The following OFD1 variants were observed in gnomAD, a reference collection of about 807,000 sequenced individuals.
OFD1 encodes the protein OFD1 centriole and centriolar satellite protein.
Under a neutral mutation model 81.4 loss-of-function variants are expected in OFD1, and 12 were observed. The ratio of observed to expected loss-of-function variants is 0.15; its 90% CI spans 0.09 to 0.24. The LOEUF (loss-of-function observed/expected upper bound fraction) is 0.24. OFD1 is among the 10% of genes least tolerant of loss of function. The pLI is 1.00. For missense variants in OFD1, 685 were observed against 733.9 expected, an observed-to-expected ratio of 0.93 and a Z score of 0.77; for synonymous variants, 256 against 263.7, an observed-to-expected ratio of 0.97 and a Z score of 0.28.
chrX:13,745,186 G>T (rs891936599), intron 6 of OFD1, among the ~76,000 whole-genome samples: 1 of 112,228 alleles, frequency 8.9e-6, no homozygotes, highest in African/African-American at 3.2e-5. Context: ...TGTATTATAT[G>T]ACTATGCCTT....
Position 13,734,995 on chromosome X carries a change from C to G in OFD1, c.-77C>G, listed in dbSNP as rs1172342538. ...GGCAGGGATTCCCCCTCGTCTTGGC[C>G]CCACCGCCCGGGCTGGGCACTAAAC... On this transcript the variant is annotated 5_prime_UTR_variant, in exon 1 of 23. Transcript: ENST00000340096. 6 of 1,161,550 alleles carry G rather than the reference C, an allele frequency of 5.2e-6. No individual in the cohort carries two copies. The highest frequency in any genetic ancestry group is 1.8e-5 in the African/African-American group (1 of 56,329).
At chrX:13,755,029 A>T (rs779559939) in intron 11 of OFD1, 122 bp from the exon 12 acceptor site, 2 of 539,987 alleles carry the variant, frequency 3.7e-6, no homozygotes, top group Non-Finnish European at 6.5e-6. Context: ...TGCCCGCTAC[A>T]TCTGCTATTT....
At chrX:13,749,381 T>G (rs1224407574) in intron 8 of OFD1, 46 bp from the exon 9 acceptor site, 1 of 780,903 alleles carries the variant, frequency 1.3e-6, no homozygotes, top group Non-Finnish European at 2.0e-6. Flanking sequence ...AAATCTGTTT[T>G]GCTTTCATTA....
intron 14 of OFD1, among the ~76,000 whole-genome samples, chrX:13,758,091 C>G (rs768788582): frequency 9.0e-6 from 1 of 111,263 alleles, no homozygotes; most frequent in South Asian, 3.8e-4. Flanking sequence ...TACAAACATT[C>G]ACTGTCTTCT....
At chrX:13,759,964 A>G (rs2047863184) in intron 15 of OFD1, 151 bp from the exon 16 acceptor site, 8 of 613,646 alleles carry the variant, frequency 1.3e-5, no homozygotes, top group Non-Finnish European at 8.0e-6. Flanking sequence ...AGTAAATGTT[A>G]GTGGTTATCG....
At chrX:13,764,354 A>G (rs73451151) in intron 19 of OFD1, among the ~76,000 whole-genome samples, 1,562 of 112,410 alleles carry the variant, frequency 0.014, 24 homozygotes, top group African/African-American at 0.048. Flanking sequence ...AAAACTTCGT[A>G]TTTCAATCTT....
chrX:13,734,937 C>G lies in OFD1; in HGVS notation c.-135C>G, dbSNP rs1249128765. 3 of 1,115,804 alleles carry G rather than the reference C, an allele frequency of 2.7e-6. No individual in the cohort carries two copies. The highest frequency in any genetic ancestry group is 3.5e-6 in the Non-Finnish European group (3 of 855,220). 92.0% of individuals were successfully genotyped at this position (1,115,804 alleles called of 1,213,427 possible). A position where few individuals can be genotyped will look rare whatever the true frequency, so the allele number is the denominator to read the frequency against. On this transcript the variant is annotated 5_prime_UTR_variant, in exon 1 of 23. Coordinates refer to ENST00000340096, the MANE Select transcript of OFD1 (RefSeq NM_003611.3). ...GAGAACGTTCAGCACCTTTGTTCCT[C>G]CCGAACCCTCGGGACAGAGGCAGGG...
chrX:13,764,576 G>A (rs2048055553), intron 19 of OFD1, among the ~76,000 whole-genome samples: 1 of 112,092 alleles, frequency 8.9e-6, no homozygotes, highest in South Asian at 3.7e-4. Flanking sequence ...CTTGGACCAA[G>A]TGTTTAATCC....
intron 2 of OFD1, among the ~76,000 whole-genome samples, chrX:13,735,823 C>T (rs2046841004): frequency 8.9e-6 from 1 of 111,761 alleles, no homozygotes; most frequent in Non-Finnish European, 1.9e-5. Flanking sequence ...GCAGAAAATA[C>T]CTATTAGTAT....
the OFD1 span, among the ~76,000 whole-genome samples, chrX:13,726,351 A>C: frequency 8.9e-6 from 1 of 112,071 alleles, no homozygotes; most frequent in Non-Finnish European, 1.9e-5. Context: ...TGTTAAGGGC[A>C]GCAGAGAGAA....
chrX:13,753,236 G>A, intron 10 of OFD1, 132 bp from the exon 11 acceptor site: 1 of 1,144,930 alleles, frequency 8.7e-7, no homozygotes. Flanking sequence ...TAGTATTGAG[G>A]ACTTTGAAGT....
chrX:13,755,105 C>A, intron 11 of OFD1, 46 bp from the exon 12 acceptor site: 1 of 945,395 alleles, frequency 1.1e-6, no homozygotes, highest in Non-Finnish European at 1.5e-6. Context: ...CTTTTGTATT[C>A]ACTAGGAAAA....
At chrX:13,734,632 A>G (rs532471151), upstream of OFD1, 356 of 847,867 alleles carry the variant, frequency 4.2e-4, 2 homozygotes, top group South Asian at 0.014. Flanking sequence ...ATACCCTGGG[A>G]TGTGCTCTCG....
downstream of OFD1, among the ~76,000 whole-genome samples, chrX:13,769,648 C>CA (rs2048263966): frequency 9.0e-6 from 1 of 111,649 alleles, no homozygotes; most frequent in Non-Finnish European, 1.9e-5. Context: ...TTTAAACCCC[C>CA]CCGTGTGATA....
At chrX:13,752,983 G>C in intron 10 of OFD1, 1 of 900,284 alleles carries the variant, frequency 1.1e-6, no homozygotes, top group Non-Finnish European at 1.4e-6. Flanking sequence ...AGATGGTACA[G>C]GTGGATTGGA....
chrX:13,767,051 G>A (rs1050244755), intron 19 of OFD1, 76 bp from the exon 20 acceptor site: 7 of 1,041,032 alleles, frequency 6.7e-6, no homozygotes, highest in Non-Finnish European at 9.4e-6. Context: ...TCTTGGCAAG[G>A]GCTCCTGCAG....
chrX:13,748,308 C>T (rs910534103), intron 8 of OFD1, among the ~76,000 whole-genome samples: 3 of 112,195 alleles, frequency 2.7e-5, no homozygotes, highest in African/African-American at 3.2e-5. Context: ...TCATAAGAAG[C>T]ACCATGTCTT....
intron 5 of OFD1, chrX:13,740,312 A>G (rs1159086683): frequency 4.4e-6 from 2 of 451,213 alleles, no homozygotes; most frequent in African/African-American, 5.0e-5. Flanking sequence ...GGTAGCTGCT[A>G]TCCTCATGTG....
intron 18 of OFD1, 133 bp from the exon 19 acceptor site, chrX:13,763,612 C>T: frequency 2.0e-6 from 1 of 506,003 alleles, no homozygotes; most frequent in Non-Finnish European, 3.5e-6. Context: ...TCATAGAATC[C>T]TGTTAGGAAA....
Sources: gnomAD v4.1 joint callset for allele counts (sites outside exome capture counted in the v4.1 genomes callset) on GRCh38, gnomAD v4.1.1 for gene constraint, MANE v1.5 for transcripts, NCBI Gene and HGNC (gene_info 2026-07-23, HGNC 2026-07-21) for gene names.